TMEM18: variants seen among roughly 807,000 people sequenced by gnomAD.
The protein encoded by TMEM18 is transmembrane protein 18.
Under a neutral mutation model 17.4 loss-of-function variants are expected in TMEM18, and 14 were observed. That is an observed-to-expected ratio of 0.80 (90% CI 0.53 to 1.25). TMEM18 has a LOEUF of 1.25. Ranked by LOEUF, TMEM18 falls within the 50% of genes most tolerant of loss-of-function variation. The probability of loss-of-function intolerance (pLI) is 0.00; values close to 1 mark genes in which losing one functional copy is unlikely to be tolerated. For synonymous variants in TMEM18, 86 were observed against 66.1 expected, an observed-to-expected ratio of 1.30 and a Z score of -1.46; for missense variants, 187 against 172.1, an observed-to-expected ratio of 1.09 and a Z score of -0.48.
At chr2:675,657 A>G (rs767660245) in intron 1 of TMEM18, 27 bp from the exon 2 acceptor site, 25 of 1,610,504 alleles carry the variant, frequency 1.6e-5, no homozygotes, top group Non-Finnish European at 2.0e-5. Context: ...GCAGACACTC[A>G]CTGTCCTGCC....
Position 669,426 on chromosome 2 carries a change from T to C in TMEM18, c.*154A>G. The C allele has an allele frequency of 1.3e-6, 1 of 773,596 alleles. No homozygotes were observed. Among genetic ancestry groups the C allele is most frequent in the Non-Finnish European group, 2.2e-6 (1 of 460,158 alleles). The allele number at this position is 773,596 out of a possible 1,614,324, so 47.9% of individuals were successfully genotyped here. On this transcript the variant is annotated 3_prime_UTR_variant, in exon 5 of 5. Coordinates refer to ENST00000281017, the MANE Select transcript of TMEM18 (RefSeq NM_152834.4). ...TTCAGTGCTGGCTGAAAAGCCAACTTCAGTGTGTGCCCTACCACTGTGGAT... is the reference window on the plus strand; with the variant it reads ...TTCAGTGCTGGCTGAAAAGCCAACTCCAGTGTGTGCCCTACCACTGTGGAT...
Position 664,908 on chromosome 2 carries a change from T to G in TMEM18, c.*4672A>C, listed in dbSNP as rs1436711279. ...CTATACCCCTACAATGTGTTTACTATGCAGGCATTGAAAATAATGTTATAT... is the reference window on the plus strand; with the variant it reads ...CTATACCCCTACAATGTGTTTACTAGGCAGGCATTGAAAATAATGTTATAT... On this transcript the variant is annotated 3_prime_UTR_variant, in exon 5 of 5. Transcript: ENST00000281017. Among the ~76,000 whole-genome samples, 1 of 152,220 alleles carries G rather than the reference T, an allele frequency of 6.6e-6. No homozygotes were observed. The highest frequency in any genetic ancestry group is 2.4e-5 in the African/African-American group (1 of 41,454).
At chr2:674,333 C>T (rs1057250738) in intron 2 of TMEM18, among the ~76,000 whole-genome samples, 17 of 152,226 alleles carry the variant, frequency 1.1e-4, no homozygotes, top group African/African-American at 3.9e-4. Context: ...GGCACTTGCT[C>T]CTGCCCTCTG....
Position 668,992 on chromosome 2 carries a change from CA to C in TMEM18, c.*587del, listed in dbSNP as rs1332519997. 2 of 152,438 alleles carry C rather than the reference CA, an allele frequency of 1.3e-5. No individual in the cohort carries two copies. The highest frequency in any genetic ancestry group is 3.8e-4 in the East Asian group (2 of 5,200). The allele number at this position is 152,438 out of a possible 1,614,324, so 9.4% of individuals were successfully genotyped here. On this transcript the variant is annotated 3_prime_UTR_variant, in exon 5 of 5. Transcript: ENST00000281017. ...CTCTGCCCCAGCACAGCTGACATTT[CA>C]TGTCAAGTCATTGTCTGTGATGCGG...
In TMEM18 at chr2:664,796, T is replaced by C. The variant is rs374698567; in HGVS notation, c.*4784A>G. On this transcript the variant is annotated 3_prime_UTR_variant, in exon 5 of 5. Coordinates refer to ENST00000281017, the MANE Select transcript of TMEM18 (RefSeq NM_152834.4). ...ATAGTGGAAATGTAGGCATGTGAGG[T>C]TGGAGATTTCTGTGTTGCTGTTGTC... is the stretch of plus-strand genomic sequence containing the variant. Among the ~76,000 whole-genome samples, 8 of 152,202 alleles carry C rather than the reference T, an allele frequency of 5.3e-5. No individual in the cohort carries two copies. The highest frequency in any genetic ancestry group is 3.8e-4 in the East Asian group (2 of 5,200).
chr2:664,455 T>C lies in TMEM18; in HGVS notation c.*5125A>G, dbSNP rs1186307067. Among the ~76,000 whole-genome samples, 7 of 152,202 alleles carry C rather than the reference T, an allele frequency of 4.6e-5. No homozygotes were observed. ...TTAGAAATAGGTTTTTTAAAGCCCATATTGCAAAACAAAGAAGAATACGAA... is the reference window on the plus strand; with the variant it reads ...TTAGAAATAGGTTTTTTAAAGCCCACATTGCAAAACAAAGAAGAATACGAA... On this transcript the variant is annotated 3_prime_UTR_variant, in exon 5 of 5. Transcript: ENST00000281017.
intron 1 of TMEM18, 88 bp downstream of exon 1, chr2:677,201 T>C (rs1226973023): frequency 1.3e-6 from 2 of 1,511,132 alleles, no homozygotes; most frequent in Non-Finnish European, 1.8e-6. Flanking sequence ...GGGGCCTTCT[T>C]GGCCACAGGC....
At position 669,684 on chromosome 2, in the gene TMEM18, A is replaced by C; in HGVS notation, c.328-9T>G. On this transcript the variant is annotated splice_polypyrimidine_tract_variant and intron_variant, in intron 4 of 4. Coordinates refer to ENST00000281017, the MANE Select transcript of TMEM18 (RefSeq NM_152834.4). ...TTCCATACCCACATAACCTAAACAC[A>C]ATTGTTTGAGACATGTTTAGATTTG... The C allele has an allele frequency of 6.2e-7, 1 of 1,614,100 alleles. No individual in the cohort carries two copies. Among genetic ancestry groups the C allele is most frequent in the East Asian group, 2.2e-5 (1 of 44,874 alleles).
At chr2:673,529 A>G (rs904556502) in intron 2 of TMEM18, among the ~76,000 whole-genome samples, 1 of 152,198 alleles carries the variant, frequency 6.6e-6, no homozygotes. Context: ...CAAATAAAAT[A>G]TGATTCGGCA....
At chr2:673,078 G>C (rs1396109685) in intron 2 of TMEM18, among the ~76,000 whole-genome samples, 1 of 152,194 alleles carries the variant, frequency 6.6e-6, no homozygotes, top group Non-Finnish European at 1.5e-5. Context: ...AATGCTCTAT[G>C]GTCTCACTCA....
chr2:675,396 G>A (rs1415134969), intron 2 of TMEM18, 114 bp downstream of exon 2: 1 of 1,486,330 alleles, frequency 6.7e-7, no homozygotes. Context: ...GCACATGACA[G>A]AGGGTTGGGA....
Position 669,746 on chromosome 2 carries a change from C to T in TMEM18, c.327+11G>A, listed in dbSNP as rs766756079. On this transcript the variant is annotated intron_variant, in intron 4 of 4. Transcript: ENST00000281017. ...CATGAAGAAAGACAACTGAAAGTGTCATCTACGTACCACAATGATCATGGC... is the reference window on the plus strand; with the variant it reads ...CATGAAGAAAGACAACTGAAAGTGTTATCTACGTACCACAATGATCATGGC... 6 of 1,613,800 alleles carry T rather than the reference C, an allele frequency of 3.7e-6. No individual in the cohort carries two copies. Among genetic ancestry groups the T allele is most frequent in the East Asian group, 2.2e-5 (1 of 44,878 alleles).
At chr2:672,536 G>A (rs2103092163) in intron 3 of TMEM18, among the ~76,000 whole-genome samples, 1 of 152,380 alleles carries the variant, frequency 6.6e-6, no homozygotes, top group East Asian at 1.9e-4. Flanking sequence ...CTATTCTGCA[G>A]CTCAAATTCC....
intron 2 of TMEM18, among the ~76,000 whole-genome samples, chr2:675,238 G>A (rs936444139): frequency 6.6e-6 from 1 of 152,200 alleles, no homozygotes; most frequent in Non-Finnish European, 1.5e-5. Flanking sequence ...CAGCACTTCC[G>A]GAAACCCAAC....
At chr2:675,387 C>A in intron 2 of TMEM18, 123 bp downstream of exon 2, 1 of 1,423,026 alleles carries the variant, frequency 7.0e-7, no homozygotes, top group Non-Finnish European at 9.6e-7. Flanking sequence ...TGGGAGCAGG[C>A]ACATGACAGA....
rs1226783607 is a variant in TMEM18, at chr2:664,114, T to C, written c.*5466A>G. Among the ~76,000 whole-genome samples the C allele has an allele frequency of 6.6e-6, 1 of 152,214 alleles. No homozygotes were observed. Among genetic ancestry groups the C allele is most frequent in the Non-Finnish European group, 1.5e-5 (1 of 68,044 alleles). On this transcript the variant is annotated 3_prime_UTR_variant, in exon 5 of 5. Transcript: ENST00000281017. ...CATTTGTATAATAAATGAAATGAAC[T>C]TGGAAAGCATTTAAACACCAGCCAC... is the stretch of plus-strand genomic sequence containing the variant.
In TMEM18 at chr2:667,375, C is replaced by T. The variant is rs184734640; in HGVS notation, c.*2205G>A. The T allele has an allele frequency of 3.9e-5, 6 of 151,990 alleles. No homozygotes were observed. The highest frequency in any genetic ancestry group is 7.3e-5 in the African/African-American group (3 of 41,360). The allele number at this position is 151,990 out of a possible 1,614,324, so 9.4% of individuals were successfully genotyped here. ...ATTTTATTGCATAGCAATCGATAAA[C>T]GTAAGGTGTCACAGGTTTGGAATGT... On this transcript the variant is annotated 3_prime_UTR_variant, in exon 5 of 5. Coordinates refer to ENST00000281017, the MANE Select transcript of TMEM18 (RefSeq NM_152834.4).
At chr2:672,317 G>A (rs1678870485) in intron 3 of TMEM18, among the ~76,000 whole-genome samples, 1 of 152,150 alleles carries the variant, frequency 6.6e-6, no homozygotes. Flanking sequence ...CAGGGGTAGA[G>A]GAGGGGGCAG....
chr2:671,115 G>C (rs1558180492), intron 3 of TMEM18: 1 of 152,356 alleles, frequency 6.6e-6, no homozygotes, highest in African/African-American at 2.4e-5. Flanking sequence ...ACTGAAGTGT[G>C]AATTTTGAGA....
Sources: gnomAD v4.1 joint callset for allele counts (sites outside exome capture counted in the v4.1 genomes callset) on GRCh38, gnomAD v4.1.1 for gene constraint, MANE v1.5 for transcripts, NCBI Gene and HGNC (gene_info 2026-07-23, HGNC 2026-07-21) for gene names.